The following SOS1 variants were observed in gnomAD, a reference collection of about 807,000 sequenced individuals.
The protein encoded by SOS1 is SOS Ras/Rac guanine nucleotide exchange factor 1.
A neutral mutation model predicts 157.6 loss-of-function variants in SOS1; 25 were observed. The ratio of observed to expected loss-of-function variants is 0.16; its 90% confidence interval spans 0.12 to 0.22. SOS1 has a LOEUF of 0.22. Ranked by LOEUF, SOS1 falls within the 10% of genes least tolerant of loss-of-function variation. The probability of loss-of-function intolerance (pLI) is 1.00; values close to 1 mark genes in which losing one functional copy is unlikely to be tolerated. For synonymous variants in SOS1, 528 were observed against 534.0 expected (o/e 0.99, Z 0.16); for missense variants, 1,237 against 1,599.1 (o/e 0.77, Z 3.86).
chr2:39,072,476 C>G (rs1671824593), intron 1 of SOS1, among the ~76,000 whole-genome samples: 1 of 152,140 alleles, frequency 6.6e-6, no homozygotes, highest in African/African-American at 2.4e-5. Flanking sequence ...AGAAACCATT[C>G]ACAACACAAA....
rs1281224488 is a variant in SOS1, at chr2:39,120,800, G to A, written c.-378C>T. On this transcript the variant is annotated 5_prime_UTR_variant, in exon 1 of 23. Transcript: ENST00000402219. Reference sequence around the variant, plus strand: ...GGGCCCGGTCTGGCCCCGCGGCGGAGCTGGCGGCTGGGGGAGGACGTGTGG... The same window carrying A: ...GGGCCCGGTCTGGCCCCGCGGCGGAACTGGCGGCTGGGGGAGGACGTGTGG... Among the ~76,000 whole-genome samples the A allele has an allele frequency of 6.7e-5, 10 of 150,274 alleles. No homozygotes were observed. The highest frequency in any genetic ancestry group is 1.3e-4 in the Non-Finnish European group (9 of 67,444).
intron 1 of SOS1, among the ~76,000 whole-genome samples, chr2:39,109,130 T>A (rs1404458044): frequency 6.6e-6 from 1 of 152,132 alleles, no homozygotes; most frequent in East Asian, 1.9e-4. Flanking sequence ...CCCCAGGAAG[T>A]TGGGGCTGCA....
At chr2:39,039,426 C>G (rs1407346952) in intron 6 of SOS1, among the ~76,000 whole-genome samples, 2 of 152,202 alleles carry the variant, frequency 1.3e-5, no homozygotes, top group African/African-American at 2.4e-5. Flanking sequence ...CAGTTGTCCA[C>G]TTCCTTGTCA....
intron 6 of SOS1, among the ~76,000 whole-genome samples, chr2:39,047,887 C>G (rs1046018946): frequency 3.9e-5 from 6 of 152,188 alleles, no homozygotes; most frequent in African/African-American, 1.4e-4. Flanking sequence ...AGGCTCGTCT[C>G]AAACTCCTGA....
At chr2:39,019,151 G>C (rs1392344376) in intron 10 of SOS1, among the ~76,000 whole-genome samples, 1 of 151,734 alleles carries the variant, frequency 6.6e-6, no homozygotes, top group Non-Finnish European at 1.5e-5. Context: ...TTCTGGAAAA[G>C]AGAAATTCCC....
intron 8 of SOS1, among the ~76,000 whole-genome samples, chr2:39,032,362 C>CT (rs1393049787): frequency 6.6e-6 from 1 of 152,128 alleles, no homozygotes; most frequent in Non-Finnish European, 1.5e-5. Context: ...AATAGCTAAA[C>CT]TTATCTTTTG....
chr2:39,064,253 A>G (rs1316491612), intron 2 of SOS1, among the ~76,000 whole-genome samples: 9 of 152,234 alleles, frequency 5.9e-5, no homozygotes, highest in Admixed American at 5.9e-4. Context: ...TAATTAACAA[A>G]TGCATTACCT....
rs2124453492 is a variant in SOS1 at position 38,985,661 on chromosome 2, A to C, written c.*163T>G. The C allele has an allele frequency of 1.2e-6, 1 of 818,148 alleles. No individual in the cohort carries two copies. Among genetic ancestry groups the C allele is most frequent in the East Asian group, 2.6e-5 (1 of 38,226 alleles). The allele number at this position is 818,148 out of a possible 1,614,324, so 50.7% of individuals were successfully genotyped here. A position where few individuals can be genotyped will look rare whatever the true frequency, so the allele number is the denominator to read the frequency against. ...AACTGGAATACCATTTCCATTGTAT[A>C]ATTACATCTAGGTTAAAATTCATTG... On this transcript the variant is annotated 3_prime_UTR_variant, in exon 23 of 23. Coordinates refer to ENST00000402219, the MANE Select transcript of SOS1 (RefSeq NM_005633.4).
At chr2:39,088,288 A>T (rs1672454680) in intron 1 of SOS1, among the ~76,000 whole-genome samples, 1 of 149,416 alleles carries the variant, frequency 6.7e-6, no homozygotes, top group Non-Finnish European at 1.5e-5. Flanking sequence ...CTACTTTAGT[A>T]TGCCTGAGAT....
chr2:39,035,862 A>G (rs1670324856), intron 6 of SOS1, among the ~76,000 whole-genome samples: 1 of 152,236 alleles, frequency 6.6e-6, no homozygotes, highest in Non-Finnish European at 1.5e-5. Flanking sequence ...TAGGTAAGGT[A>G]TAAACATTTA....
intron 20 of SOS1, chr2:38,993,038 TCAGCCTTGGCAACA>T (rs1660548500): frequency 6.7e-6 from 1 of 149,846 alleles, no homozygotes; most frequent in Admixed American, 6.7e-5. Flanking sequence ...AAGTTTGAGA[TCAGCCTTGGCAACA>T]CAGCGAGACC....
intron 6 of SOS1, among the ~76,000 whole-genome samples, chr2:39,043,493 G>A (rs1670647302): frequency 1.3e-5 from 2 of 152,148 alleles, no homozygotes; most frequent in South Asian, 4.1e-4. Context: ...TTGCAAAAGA[G>A]TAACTGTTTC....
chr2:39,004,232 G>A (rs1003275417), intron 17 of SOS1, among the ~76,000 whole-genome samples: 10 of 151,932 alleles, frequency 6.6e-5, no homozygotes, highest in Non-Finnish European at 1.0e-4. Context: ...TGGCTAACAC[G>A]GTGAAACCCT....
chr2:39,031,341 T>C (rs1558478632), intron 8 of SOS1, among the ~76,000 whole-genome samples: 1 of 152,162 alleles, frequency 6.6e-6, no homozygotes, highest in Non-Finnish European at 1.5e-5. Flanking sequence ...TTTGGGTGCA[T>C]CTTGGGGAGA....
At chr2:39,064,210 G>A (rs901619418) in intron 2 of SOS1, among the ~76,000 whole-genome samples, 1 of 152,130 alleles carries the variant, frequency 6.6e-6, no homozygotes, top group African/African-American at 2.4e-5. Context: ...ATGCTTAGAA[G>A]TACATATACA....
chr2:39,011,131 G>A (rs543983334), intron 14 of SOS1, among the ~76,000 whole-genome samples: 17 of 151,918 alleles, frequency 1.1e-4, no homozygotes, highest in African/African-American at 3.9e-4. Context: ...TCCTGACCTC[G>A]GATGATCCAC....
chr2:39,037,266 G>C (rs1313560406), intron 6 of SOS1, among the ~76,000 whole-genome samples: 1 of 152,142 alleles, frequency 6.6e-6, no homozygotes, highest in African/African-American at 2.4e-5. Flanking sequence ...TACAGTGGAC[G>C]GAAGAGAAGA....
At chr2:39,002,575 G>T (rs2124491081) in intron 17 of SOS1, among the ~76,000 whole-genome samples, 1 of 152,244 alleles carries the variant, frequency 6.6e-6, no homozygotes, top group African/African-American at 2.4e-5. Flanking sequence ...ACTTTTCTAA[G>T]CACCTGACGT....
chr2:39,056,889 T>A lies in SOS1; in HGVS notation c.346-23A>T, dbSNP rs776919048. On this transcript the variant is annotated intron_variant, in intron 3 of 22. Transcript: ENST00000402219. ...CTCCTGCAAAATTAAAAGAAAAGCA[T>A]GTTTAAACATCATATACTGTACATT... 6 of 1,526,742 alleles carry A rather than the reference T, an allele frequency of 3.9e-6. No homozygotes were observed. In the South Asian group the frequency reaches 6.7e-5, roughly 17 times the overall value. The allele number at this position is 1,526,742 out of a possible 1,614,324, so 94.6% of individuals were successfully genotyped here.
Sources: allele counts gnomAD v4.1 joint callset (sites outside exome capture counted in the v4.1 genomes callset), GRCh38; gene constraint gnomAD v4.1.1; transcripts MANE v1.5; gene names NCBI Gene and HGNC (gene_info 2026-07-23, HGNC 2026-07-21).